PDPR: variants seen among roughly 807,000 people sequenced by gnomAD.
PDPR encodes the protein pyruvate dehydrogenase phosphatase regulatory subunit, mitochondrial.
A neutral mutation model predicts 102.2 loss-of-function variants in PDPR; 50 were observed. The observed-to-expected ratio is 0.49, with a 90% confidence interval of 0.39 to 0.62. PDPR has a LOEUF of 0.62. Among genes scored for constraint, PDPR ranks in the 20% least tolerant of loss-of-function variants. The pLI is 0.00. For missense variants in PDPR, 625 were observed against 1,098.2 expected, an observed-to-expected ratio of 0.57 and a Z score of 6.09; for synonymous variants, 259 against 406.0, an observed-to-expected ratio of 0.64 and a Z score of 4.35.
Position 70,132,384 on chromosome 16 carries a change from T to C in PDPR, c.997+84T>C, listed in dbSNP as rs1964629276. The C allele has an allele frequency of 4.4e-6, 6 of 1,365,198 alleles. No individual in the cohort carries two copies. In the African/African-American group the frequency reaches 5.8e-5, roughly 13 times the overall value. 84.6% of individuals were successfully genotyped at this position (1,365,198 alleles called of 1,614,324 possible). A position where few individuals can be genotyped will look rare whatever the true frequency, so the allele number is the denominator to read the frequency against. ...CAAAGTATTTTGAAGAATAGTTCCT[T>C]GTTTAATGTTTATAACATCGCCATG... On this transcript the variant is annotated intron_variant, in intron 9 of 18. Transcript: ENST00000288050.
chr16:70,117,642 C>T (rs1412833219), intron 2 of PDPR, among the ~76,000 whole-genome samples: 1 of 152,100 alleles, frequency 6.6e-6, no homozygotes, highest in Non-Finnish European at 1.5e-5. Flanking sequence ...GAATAGAACA[C>T]TCACGCCTCA....
chr16:70,144,397 T>A (rs1966038399), intron 14 of PDPR, 24 bp from the exon 15 acceptor site: 1 of 550,650 alleles, frequency 1.8e-6, no homozygotes, highest in African/African-American at 2.1e-5. Context: ...CTGGTTTTGA[T>A]TATTTTGGGG....
At chr16:70,151,947 C>T (rs1227828695) in intron 17 of PDPR, among the ~76,000 whole-genome samples, 1 of 152,274 alleles carries the variant, frequency 6.6e-6, no homozygotes, top group Non-Finnish European at 1.5e-5. Flanking sequence ...CCACTCTTCT[C>T]TTTGATTTTC....
At chr16:70,121,634 G>A (rs1382153968) in intron 3 of PDPR, among the ~76,000 whole-genome samples, 3 of 152,036 alleles carry the variant, frequency 2.0e-5, no homozygotes, top group African/African-American at 4.8e-5. Context: ...GGAGGTGGCA[G>A]TGAGCAGAGA....
At chr16:70,154,038 G>C (rs1410909468) in intron 18 of PDPR, among the ~76,000 whole-genome samples, 2 of 152,266 alleles carry the variant, frequency 1.3e-5, no homozygotes, top group Non-Finnish European at 2.9e-5. Flanking sequence ...AATTAGCCGG[G>C]TGTGGTTGCG....
At chr16:70,137,169 A>G (rs543742528) in intron 10 of PDPR, among the ~76,000 whole-genome samples, 51 of 152,310 alleles carry the variant, frequency 3.3e-4, no homozygotes, top group Admixed American at 2.2e-3. Flanking sequence ...TGGCTAACAC[A>G]GTGAAACCCC....
chr16:70,153,706 G>A (rs1214025254), intron 18 of PDPR, 133 bp downstream of exon 18: 8 of 956,176 alleles, frequency 8.4e-6, no homozygotes, highest in Non-Finnish European at 1.2e-5. Context: ...TCAGGTAAAT[G>A]AGGACAAGAG....
chr16:70,152,292 G>T (rs1278471309), intron 17 of PDPR, among the ~76,000 whole-genome samples: 1 of 152,286 alleles, frequency 6.6e-6, no homozygotes, highest in African/African-American at 2.4e-5. Flanking sequence ...GCCAAGGTGA[G>T]TGAATCATCT....
At chr16:70,138,076 T>C (rs1195747866) in intron 10 of PDPR, among the ~76,000 whole-genome samples, 1 of 148,408 alleles carries the variant, frequency 6.7e-6, no homozygotes, top group Non-Finnish European at 1.5e-5. Context: ...AGTTTTGCTC[T>C]TGTTGCCCAG....
chr16:70,153,662 A>G (rs1357447017), intron 18 of PDPR, 89 bp downstream of exon 18: 3 of 1,351,654 alleles, frequency 2.2e-6, no homozygotes, highest in Non-Finnish European at 3.0e-6. Context: ...TGTGACAGGA[A>G]AAGGGGGAAA....
At chr16:70,121,898 G>A (rs1963331365) in intron 3 of PDPR, among the ~76,000 whole-genome samples, 1 of 152,324 alleles carries the variant, frequency 6.6e-6, no homozygotes, top group East Asian at 1.9e-4. Flanking sequence ...CCAAGTAGCT[G>A]GGACTACTGA....
intron 13 of PDPR, 141 bp from the exon 14 acceptor site, chr16:70,143,369 C>G: frequency 1.0e-6 from 1 of 996,140 alleles, no homozygotes; most frequent in South Asian, 1.8e-5. Flanking sequence ...GAGCTTCTTG[C>G]AGTGGAGTAG....
chr16:70,143,212 CAAAA>C (rs1364082207), intron 13 of PDPR, among the ~76,000 whole-genome samples: 2 of 151,068 alleles, frequency 1.3e-5, no homozygotes, highest in African/African-American at 4.9e-5. Flanking sequence ...AAAACAAAAA[CAAAA>C]CACTGATTTC....
Position 70,142,387 on chromosome 16 carries a change from A to G in PDPR, c.1469A>G (p.Lys490Arg), listed in dbSNP as rs753940997. Residue 490 changes from lysine to arginine, a missense_variant and splice_region_variant, in exon 12 of 19, where the codon AAG (lysine) becomes AGG (arginine). Coordinates refer to ENST00000288050, the MANE Select transcript of PDPR (RefSeq NM_017990.5). ...ERPKYFVPPDKDLLALEQSKT... is the reference protein window; with the variant it reads ...ERPKYFVPPDRDLLALEQSKT... ...CCAAAGTACTTTGTTCCCCCCGACA[A>G]GGGTAAGAAGTCACATTCTCATTTT... is the stretch of plus-strand genomic sequence containing the variant. 3 of 1,613,726 alleles carry G rather than the reference A, an allele frequency of 1.9e-6. No individual in the cohort carries two copies. The highest frequency in any genetic ancestry group is 3.3e-5 in the Admixed American group (2 of 59,896).
chr16:70,147,308 G>A (rs1966316376), intron 16 of PDPR, among the ~76,000 whole-genome samples: 2 of 151,628 alleles, frequency 1.3e-5, no homozygotes, highest in South Asian at 4.2e-4. Context: ...AGTGGATTTA[G>A]CTTCTCTAAA....
At chr16:70,114,638 C>G (rs980832750) in intron 1 of PDPR, among the ~76,000 whole-genome samples, 183 bp from the exon 2 acceptor site, 1 of 152,254 alleles carries the variant, frequency 6.6e-6, no homozygotes, top group Non-Finnish European at 1.5e-5. Context: ...AGGTTGTCCG[C>G]TCGTGCCTTG....
In PDPR at chr16:70,145,687, A is replaced by T. The variant is rs1022990924; in HGVS notation, c.1868-447A>T. The T allele has an allele frequency of 6.5e-6, 3 of 462,864 alleles. No homozygotes were observed. The East Asian group carries it at 2.1e-4, about 32-fold the overall frequency. The allele number at this position is 462,864 out of a possible 1,614,324, so 28.7% of individuals were successfully genotyped here. A position where few individuals can be genotyped will look rare whatever the true frequency, so the allele number is the denominator to read the frequency against. Reference sequence around the variant, plus strand: ...TCTAGCCTGTCTTAGGATGGATGACATGTAATTAGCACAAGCTGATGTCAC... The same window carrying T: ...TCTAGCCTGTCTTAGGATGGATGACTTGTAATTAGCACAAGCTGATGTCAC... On this transcript the variant is annotated intron_variant, in intron 15 of 18. Coordinates refer to ENST00000288050, the MANE Select transcript of PDPR (RefSeq NM_017990.5).
intron 2 of PDPR, among the ~76,000 whole-genome samples, chr16:70,118,047 C>T (rs544745436): frequency 6.7e-6 from 1 of 149,230 alleles, no homozygotes; most frequent in Admixed American, 6.7e-5. Flanking sequence ...GAGCCGAGAT[C>T]ACACCGCTGC....
At chr16:70,125,922 C>CTT (rs1483843846) in intron 3 of PDPR, among the ~76,000 whole-genome samples, 3 of 152,284 alleles carry the variant, frequency 2.0e-5, no homozygotes, top group African/African-American at 7.2e-5. Flanking sequence ...ATGTGAACCA[C>CTT]TGCACCCAGC....
Sources: gnomAD v4.1 joint callset for allele counts (sites outside exome capture counted in the v4.1 genomes callset) on GRCh38, gnomAD v4.1.1 for gene constraint, MANE v1.5 for transcripts, NCBI Gene and HGNC (gene_info 2026-07-23, HGNC 2026-07-21) for gene names.